Variants in COL25A1 observed in about 807,000 individuals in gnomAD.
COL25A1 encodes the protein collagen alpha-1(XXV) chain.
A neutral mutation model predicts 128.4 loss-of-function variants in COL25A1; 103 were observed. The observed-to-expected ratio is 0.80, with a 90% CI of 0.68 to 0.94. The LOEUF is 0.94. COL25A1 is among the 40% of genes least tolerant of loss of function. COL25A1 has a pLI of 0.00. For synonymous variants in COL25A1, 279 were observed against 277.2 expected (o/e 1.01, Z -0.06); for missense variants, 745 against 840.0 (o/e 0.89, Z 1.40).
chr4:109,237,580 G>T (rs1412981882), intron 3 of COL25A1, among the ~76,000 whole-genome samples: 2 of 144,100 alleles, frequency 1.4e-5, no homozygotes, highest in African/African-American at 5.3e-5. Context: ...TGGTACTAAT[G>T]CACAGAATGT....
At chr4:109,003,230 A>C (rs1000127208) in intron 6 of COL25A1, among the ~76,000 whole-genome samples, 1 of 152,256 alleles carries the variant, frequency 6.6e-6, no homozygotes, top group African/African-American at 2.4e-5. Context: ...ACAAAGGTTT[A>C]ATATCCAGAA....
At chr4:108,933,534 G>A (rs1747014708) in intron 11 of COL25A1, among the ~76,000 whole-genome samples, 1 of 152,162 alleles carries the variant, frequency 6.6e-6, no homozygotes, top group African/African-American at 2.4e-5. Context: ...TTGACATGTT[G>A]TAATTTAATT....
At position 108,900,626 on chromosome 4, in the gene COL25A1, T is replaced by A. The variant is rs1300761051; in HGVS notation, c.834+493A>T. On this transcript the variant is annotated intron_variant, in intron 14 of 37. Coordinates refer to ENST00000399132, the MANE Select transcript of COL25A1 (RefSeq NM_198721.4). ...TTACATTTTTTCCCTATTTGGTAAT[T>A]CAGACTACATCCATTTTTAAATTTT... 7.9e-5 allele frequency among the ~76,000 whole-genome samples: 12 copies of A among 152,200 alleles called. No individual in the cohort carries two copies. The East Asian group carries it at 2.3e-3, about 29-fold the overall frequency.
chr4:108,834,200 C>T (rs1332283111), intron 31 of COL25A1, among the ~76,000 whole-genome samples: 1 of 152,190 alleles, frequency 6.6e-6, no homozygotes, highest in Non-Finnish European at 1.5e-5. Context: ...CACCTTTCCC[C>T]CTTTTGCCGC....
intron 6 of COL25A1, among the ~76,000 whole-genome samples, chr4:109,009,609 T>A (rs1417058253): frequency 6.6e-6 from 1 of 152,208 alleles, no homozygotes; most frequent in East Asian, 1.9e-4. Flanking sequence ...AGATGGAAGA[T>A]GAGTTCAGTA....
chr4:109,130,227 T>A (rs1769053257), intron 3 of COL25A1, among the ~76,000 whole-genome samples: 1 of 152,182 alleles, frequency 6.6e-6, no homozygotes, highest in Admixed American at 6.5e-5. Context: ...CAGAAGAGTT[T>A]AAATTTCTGC....
intron 37 of COL25A1, among the ~76,000 whole-genome samples, chr4:108,814,651 G>A (rs1731085081): frequency 6.6e-6 from 1 of 152,186 alleles, no homozygotes; most frequent in African/African-American, 2.4e-5. Flanking sequence ...GAGGTCTGAG[G>A]AACAGAGGTC....
intron 3 of COL25A1, among the ~76,000 whole-genome samples, chr4:109,161,659 T>C (rs1772594631): frequency 6.6e-6 from 1 of 152,240 alleles, no homozygotes; most frequent in Non-Finnish European, 1.5e-5. Flanking sequence ...AAGTATTTGC[T>C]TTTTCCATGT....
At chr4:109,180,657 T>C (rs900048185) in intron 3 of COL25A1, among the ~76,000 whole-genome samples, 1 of 152,064 alleles carries the variant, frequency 6.6e-6, no homozygotes. Context: ...CAAAAATTTA[T>C]ATTAAGATTT....
intron 8 of COL25A1, among the ~76,000 whole-genome samples, chr4:108,955,823 C>T (rs1750008911): frequency 1.3e-5 from 2 of 152,100 alleles, no homozygotes; most frequent in Admixed American, 1.3e-4. Flanking sequence ...TTCTAATTCT[C>T]TGTCAAACAG....
chr4:108,931,002 TTGG>T (rs1746672129), intron 11 of COL25A1, among the ~76,000 whole-genome samples: 1 of 152,142 alleles, frequency 6.6e-6, no homozygotes, highest in African/African-American at 2.4e-5. Context: ...CAATTATAAC[TTGG>T]TTAATATTCT....
At chr4:108,920,300 G>T (rs905738537) in intron 12 of COL25A1, among the ~76,000 whole-genome samples, 1 of 152,096 alleles carries the variant, frequency 6.6e-6, no homozygotes, top group Non-Finnish European at 1.5e-5. Context: ...TTTAAATTTT[G>T]TCATGTTTTA....
chr4:109,174,236 G>T (rs891341705), intron 3 of COL25A1, among the ~76,000 whole-genome samples: 1 of 152,172 alleles, frequency 6.6e-6, no homozygotes, highest in Non-Finnish European at 1.5e-5. Context: ...CAACCGTGGT[G>T]TAAGGCCTAA....
At chr4:109,048,691 A>G (rs1760697178) in intron 4 of COL25A1, among the ~76,000 whole-genome samples, 7 of 152,200 alleles carry the variant, frequency 4.6e-5, no homozygotes, top group Admixed American at 3.9e-4. Context: ...AAAACAGGCA[A>G]AGTCTAAGAC....
chr4:108,970,478 T>C (rs530451907), intron 8 of COL25A1, among the ~76,000 whole-genome samples: 6 of 152,340 alleles, frequency 3.9e-5, no homozygotes, highest in South Asian at 2.1e-4. Flanking sequence ...CTGTTACATA[T>C]GTTGTTTTGA....
At chr4:109,210,185 A>G (rs1380646207) in intron 3 of COL25A1, among the ~76,000 whole-genome samples, 2 of 152,134 alleles carry the variant, frequency 1.3e-5, no homozygotes, top group African/African-American at 4.8e-5. Flanking sequence ...GCCTCAAAAA[A>G]AAATCACTAA....
intron 3 of COL25A1, among the ~76,000 whole-genome samples, chr4:109,134,869 T>C (rs769940584): frequency 1.4e-4 from 22 of 151,898 alleles, no homozygotes; most frequent in Non-Finnish European, 4.4e-5. Context: ...CATCAGAATA[T>C]AGATGATGGA....
chr4:109,022,718 A>G (rs1757887688), intron 5 of COL25A1, among the ~76,000 whole-genome samples: 1 of 152,222 alleles, frequency 6.6e-6, no homozygotes, highest in African/African-American at 2.4e-5. Flanking sequence ...GTGGATGAGA[A>G]GTATTTACCA....
intron 3 of COL25A1, among the ~76,000 whole-genome samples, chr4:109,207,811 C>T (rs1310961744): frequency 6.6e-6 from 1 of 152,054 alleles, no homozygotes; most frequent in Non-Finnish European, 1.5e-5. Context: ...TATAATACAC[C>T]AAATACTTAA....
Sources: gnomAD v4.1 joint callset for allele counts (sites outside exome capture counted in the v4.1 genomes callset) on GRCh38, gnomAD v4.1.1 for gene constraint, MANE v1.5 for transcripts, NCBI Gene and HGNC (gene_info 2026-07-23, HGNC 2026-07-21) for gene names.